MTR: variants seen among roughly 807,000 people sequenced by gnomAD.
MTR encodes methionine synthase.
In MTR, 84 loss-of-function variants were observed where a neutral mutation model predicts 154.8. The observed-to-expected ratio is 0.54, with a 90% confidence interval of 0.45 to 0.65. The LOEUF is 0.65. Ranked by LOEUF, MTR falls within the 30% of genes least tolerant of loss-of-function variation. The pLI is 0.00. For synonymous variants in MTR, 554 were observed against 553.9 expected, an observed-to-expected ratio of 1.00 and a Z score of 0.00; for missense variants, 1,275 against 1,570.2, an observed-to-expected ratio of 0.81 and a Z score of 3.18.
intron 8 of MTR, among the ~76,000 whole-genome samples, chr1:236,817,050 G>C (rs1304650012): frequency 6.6e-6 from 1 of 152,120 alleles, no homozygotes; most frequent in Admixed American, 6.5e-5. Context: ...AATAACCACT[G>C]TATTTCAGCT....
chr1:236,802,829 A>G (rs1383143966), intron 1 of MTR, among the ~76,000 whole-genome samples: 1 of 152,208 alleles, frequency 6.6e-6, no homozygotes, highest in Admixed American at 6.5e-5. Context: ...GAAACCAGAA[A>G]GCAGGATTAG....
intron 5 of MTR, chr1:236,811,536 G>C (rs1160764850): frequency 2.2e-6 from 1 of 453,266 alleles, no homozygotes; most frequent in Non-Finnish European, 4.4e-6. Context: ...AAGCAAATAT[G>C]GTTTGTAGGT....
intron 28 of MTR, among the ~76,000 whole-genome samples, chr1:236,890,332 G>A (rs909280862): frequency 2.0e-5 from 3 of 152,148 alleles, no homozygotes; most frequent in African/African-American, 7.2e-5. Context: ...CACGGAAACC[G>A]AGATGGTGTC....
chr1:236,836,795 A>G (rs1422412656), intron 14 of MTR, among the ~76,000 whole-genome samples: 1 of 152,220 alleles, frequency 6.6e-6, no homozygotes, highest in African/African-American at 2.4e-5. Context: ...CAACTTGTTC[A>G]AAGTTAGTTA....
At chr1:236,848,545 T>C (rs2791956) in intron 15 of MTR, among the ~76,000 whole-genome samples, 152,263 of 152,294 alleles carry the variant, frequency 1, 76,116 homozygotes, top group Middle Eastern at 1. Flanking sequence ...TTTTCTGACA[T>C]ACATCTCAGT....
chr1:236,886,686 T>A (rs1666027238), intron 27 of MTR, among the ~76,000 whole-genome samples: 1 of 152,202 alleles, frequency 6.6e-6, no homozygotes, highest in Non-Finnish European at 1.5e-5. Flanking sequence ...GAAAGGTTAC[T>A]AGGAATCTCT....
At position 236,899,303 on chromosome 1, in the gene MTR, G is replaced by A. The variant is rs1308536759; in HGVS notation, c.*1659G>A. 6.6e-6 allele frequency: 1 copy of A among 152,198 alleles called. No homozygotes were observed. The highest frequency in any genetic ancestry group is 1.5e-5 in the Non-Finnish European group (1 of 68,048). 9.4% of individuals were successfully genotyped at this position (152,198 alleles called of 1,614,324 possible). On this transcript the variant is annotated 3_prime_UTR_variant, in exon 33 of 33. Coordinates refer to ENST00000366577, the MANE Select transcript of MTR (RefSeq NM_000254.3). ...GATACCAAGTTTTATTGTCAAGACA[G>A]TGTCATGGTGCAGAGGTAGGCATTC...
chr1:236,897,649 T>C lies in MTR; in HGVS notation c.*5T>C, dbSNP rs1380867415. The C allele has an allele frequency of 6.3e-7, 1 of 1,593,082 alleles. No homozygotes were observed. Among genetic ancestry groups the C allele is most frequent in the African/African-American group, 1.3e-5 (1 of 74,392 alleles). ...TTGGGATATGATACAGACTAACTTTTTTTTTTTTTTTGCCTTTTTTATTCT... is the reference window on the plus strand; with the variant it reads ...TTGGGATATGATACAGACTAACTTTCTTTTTTTTTTTGCCTTTTTTATTCT... On this transcript the variant is annotated 3_prime_UTR_variant, in exon 33 of 33. Coordinates refer to ENST00000366577, the MANE Select transcript of MTR (RefSeq NM_000254.3).
chr1:236,880,827 T>TGTG lies in MTR; in HGVS notation c.2676_2676+2dup, dbSNP rs1438508576. 1.2e-6 allele frequency: 2 copies of TGTG among 1,613,182 alleles called. No homozygotes were observed. Among genetic ancestry groups the TGTG allele is most frequent in the East Asian group, 2.2e-5 (1 of 44,854 alleles). On this transcript the variant is annotated inframe_insertion, in exon 25 of 33. Transcript: ENST00000366577. ...TCCATGTCCTGGACGCGTCCAAGAG[T>TGTG]GTGGTGGTGGTAAGTGGGTGACCTT...
At chr1:236,796,328 T>A (rs1660386563) in intron 1 of MTR, among the ~76,000 whole-genome samples, 1 of 152,206 alleles carries the variant, frequency 6.6e-6, no homozygotes. Context: ...CTGATGTTGG[T>A]GGCCCTGGGA....
At position 236,897,975 on chromosome 1, in the gene MTR, G is replaced by T; in HGVS notation, c.*331G>T. ...CAACCTGCTTTTTTCTGTTTTTACA[G>T]TGGAATCTAGGAGGCCACTTAGTCG... On this transcript the variant is annotated 3_prime_UTR_variant, in exon 33 of 33. Transcript: ENST00000366577. 3.4e-6 allele frequency: 1 copy of T among 294,646 alleles called. No homozygotes were observed. The highest frequency in any genetic ancestry group is 6.4e-6 in the Non-Finnish European group (1 of 157,358). The allele number at this position is 294,646 out of a possible 1,614,324, so 18.3% of individuals were successfully genotyped here.
chr1:236,820,024 AC>A, intron 8 of MTR: 1 of 912,190 alleles, frequency 1.1e-6, no homozygotes, highest in Non-Finnish European at 1.8e-6. Flanking sequence ...TCGAGGGCTG[AC>A]CAGCAGCCTC....
chr1:236,862,511 G>A (rs1358035380), intron 21 of MTR, among the ~76,000 whole-genome samples, 168 bp downstream of exon 21: 2 of 152,062 alleles, frequency 1.3e-5, no homozygotes, highest in Non-Finnish European at 2.9e-5. Context: ...GAATACTCTG[G>A]GACTTTCTTT....
intron 5 of MTR, 60 bp downstream of exon 5, chr1:236,810,655 G>GCT: frequency 7.3e-7 from 1 of 1,372,312 alleles, no homozygotes; most frequent in South Asian, 1.2e-5. Context: ...GCTTCAGTAA[G>GCT]CTATAAATCT....
chr1:236,876,963 G>A (rs1245416127), intron 24 of MTR, among the ~76,000 whole-genome samples: 2 of 152,204 alleles, frequency 1.3e-5, no homozygotes, highest in African/African-American at 4.8e-5. Flanking sequence ...ACTCTCCAGA[G>A]CATTGTTTCT....
At chr1:236,850,952 C>G (rs1023055581) in intron 16 of MTR, among the ~76,000 whole-genome samples, 1 of 152,200 alleles carries the variant, frequency 6.6e-6, no homozygotes, top group Non-Finnish European at 1.5e-5. Flanking sequence ...TCTGTCTCTC[C>G]TTTTCCAGTT....
At position 236,830,373 on chromosome 1, in the gene MTR, C is replaced by G. The variant is rs1378808377; in HGVS notation, c.1075+1105C>G. On this transcript the variant is annotated intron_variant, in intron 12 of 32. Coordinates refer to ENST00000366577, the MANE Select transcript of MTR (RefSeq NM_000254.3). ...AGCACTAAGAGTGGAAAACATTCAG[C>G]CTTTGCCAAAATTGAAACAAGAGAG... 3.9e-5 allele frequency among the ~76,000 whole-genome samples: 6 copies of G among 151,928 alleles called. No homozygotes were observed. The East Asian group carries it at 7.7e-4, about 20-fold the overall frequency.
upstream of MTR, chr1:236,795,288 G>T: frequency 8.3e-7 from 1 of 1,207,596 alleles, no homozygotes; most frequent in South Asian, 1.5e-5. Flanking sequence ...GATAGATTGA[G>T]CGCAGAACTA....
At chr1:236,827,801 AACATTGTTTAGG>A (rs915978197) in intron 11 of MTR, among the ~76,000 whole-genome samples, 2 of 152,126 alleles carry the variant, frequency 1.3e-5, no homozygotes, top group African/African-American at 4.8e-5. Flanking sequence ...AGTGAAATGG[AACATTGTTTAGG>A]ACTGTTTATA....
Sources: gnomAD v4.1 joint callset for allele counts (sites outside exome capture counted in the v4.1 genomes callset) on GRCh38, gnomAD v4.1.1 for gene constraint, MANE v1.5 for transcripts, NCBI Gene and HGNC (gene_info 2026-07-23, HGNC 2026-07-21) for gene names.